The following DCHS1 variants were observed in gnomAD, a reference collection of about 807,000 sequenced individuals.
The protein encoded by DCHS1 is protocadherin-16.
DCHS1 carries 78 observed loss-of-function variants against 213.9 expected under a neutral mutation model. That is an observed-to-expected ratio of 0.36 (90% CI 0.30 to 0.44). The LOEUF (loss-of-function observed/expected upper bound fraction) is 0.44, where lower values mean the gene tolerates loss of function less well. DCHS1 is among the 20% of genes least tolerant of loss of function. The pLI, the probability that DCHS1 is intolerant of heterozygous loss-of-function variation, is 1.00. For synonymous variants in DCHS1, 1,828 were observed against 1,873.7 expected (o/e 0.98, Z 0.63); for missense variants, 3,946 against 4,395.9 (o/e 0.90, Z 2.89).
rs766406510 is a variant in DCHS1, at chr11:6,628,704, C to T, written c.5288G>A (p.Gly1763Asp). 4 of 1,613,988 alleles carry T rather than the reference C, an allele frequency of 2.5e-6. No homozygotes were observed. In the South Asian group the frequency reaches 3.3e-5, roughly 13 times the overall value. The change falls in exon 13 of 21, where the codon GGC becomes GAC. Residue 1763 changes from glycine (G) to aspartate (D), a missense_variant. Physicochemically the swap from Gly to Asp is moderately conservative, Grantham distance 94 (BLOSUM62 -1). Around this residue, in one of 3 missense-constraint regions of DCHS1, gnomAD observed 3,384 missense variants for 3,780.1 expected, o/e 0.90. Coordinates refer to ENST00000299441, the MANE Select transcript of DCHS1 (RefSeq NM_003737.4). The surrounding 1 kb of genome is among the most constrained non-coding windows in gnomAD (Gnocchi z 4.3). ...SAHLSLEVPEGQDPQTLTMLR... is the reference protein window; with the variant it reads ...SAHLSLEVPEDQDPQTLTMLR... ...CATGGTAAGGGTCTGGGGGTCCTGG[C>T]CCTCAGGCACCTCCAGAGAGAGATG...
chr11:6,639,868 G>A lies in DCHS1; in HGVS notation c.1746C>T (p.Phe582=). Reference sequence around the variant, plus strand: ...TGCCCTCAGGCAGTGAGGCATTGTAGAAAGTCCTCTGGAATTGGGGCTCAT... The same window carrying A: ...TGCCCTCAGGCAGTGAGGCATTGTAAAAAGTCCTCTGGAATTGGGGCTCAT... ...NDNEPQFQRT[F]YNASLPEGTQ... The change falls in exon 2 of 21, where the codon TTC becomes TTT. Residue 582 remains phenylalanine, a synonymous_variant. Transcript: ENST00000299441. 2 of 1,613,046 alleles carry A rather than the reference G, an allele frequency of 1.2e-6. No individual in the cohort carries two copies.
chr11:6,638,042 G>C (rs1231742295), intron 2 of DCHS1, among the ~76,000 whole-genome samples: 2 of 152,176 alleles, frequency 1.3e-5, no homozygotes, highest in Admixed American at 1.3e-4. Context: ...CTAGTGAGGA[G>C]AGAAGTCTGG....
chr11:6,627,071 C>T lies in DCHS1; in HGVS notation c.5968G>A (p.Asp1990Asn). The change falls in exon 14 of 21, where the codon GAT (aspartate) becomes AAT (asparagine). Residue 1990 changes from aspartate to asparagine, a missense_variant. By Grantham distance (23) the Asp-to-Asn change is conservative. Transcript: ENST00000299441. This position sits in a 1 kb window ranked among gnomAD's most constrained non-coding sequence, Gnocchi z 5.4. Reference sequence around the variant, plus strand: ...GAAGCATTGGCACCAGCATCACGATCTTCAGCTCTCAGTGTGGCCAGAGCC... The same window carrying T: ...GAAGCATTGGCACCAGCATCACGATTTTCAGCTCTCAGTGTGGCCAGAGCC... ...TLALATLRAE[D>N]RDAGANASIL... is the part of the protein sequence containing the mutation. The T allele has an allele frequency of 6.2e-7, 1 of 1,613,594 alleles. No individual in the cohort carries two copies. Among genetic ancestry groups the T allele is most frequent in the Non-Finnish European group, 8.5e-7 (1 of 1,179,812 alleles).
rs772506171 is a variant in DCHS1, at chr11:6,626,373, G to A, written c.6372C>T (p.Ile2124=). Residue 2124 remains isoleucine (I), a synonymous_variant, in exon 16 of 21, where the codon ATC becomes ATT. Coordinates refer to ENST00000299441, the MANE Select transcript of DCHS1 (RefSeq NM_003737.4). The surrounding 1 kb of genome is among the most constrained non-coding windows in gnomAD (Gnocchi z 5.2). ...CTAGCCCCTCTGCTGAGCGAACTGTGATGGCACCTGGGCGAGATAGAATGC... is the reference window on the plus strand; with the variant it reads ...CTAGCCCCTCTGCTGAGCGAACTGTAATGGCACCTGGGCGAGATAGAATGC... The part of the protein sequence containing the change: ...TFSIQPSTGA[I]TVRSAEGLDF... 6 of 1,613,150 alleles carry A rather than the reference G, an allele frequency of 3.7e-6. No homozygotes were observed. Among genetic ancestry groups the A allele is most frequent in the Non-Finnish European group, 5.1e-6 (6 of 1,179,596 alleles).
At chr11:6,650,849 T>A (rs1263242000) in intron 1 of DCHS1, among the ~76,000 whole-genome samples, 1 of 152,044 alleles carries the variant, frequency 6.6e-6, no homozygotes, top group African/African-American at 2.4e-5. Flanking sequence ...GAATGAAAGA[T>A]AAAGTACAGA....
intron 1 of DCHS1, among the ~76,000 whole-genome samples, chr11:6,654,024 T>C (rs149167951): frequency 6.6e-6 from 1 of 152,290 alleles, no homozygotes; most frequent in African/African-American, 2.4e-5. Flanking sequence ...GTCAAGAATC[T>C]GTGAAGCTGT....
At chr11:6,650,054 G>A (rs2134658924) in intron 1 of DCHS1, among the ~76,000 whole-genome samples, 1 of 152,284 alleles carries the variant, frequency 6.6e-6, no homozygotes, top group South Asian at 2.1e-4. Context: ...AAGAAGCTAA[G>A]TCATCCAGGC....
At position 6,625,448 on chromosome 11, in the gene DCHS1, G is replaced by C. The variant is rs1445482805; in HGVS notation, c.6896C>G (p.Thr2299Arg). 1.9e-6 allele frequency: 3 copies of C among 1,602,180 alleles called. No homozygotes were observed. The South Asian group carries it at 3.3e-5, about 18-fold the overall frequency. ...GGGTCCTGAGTCCACATCATTCCCT[G>C]TTACCTGTGCAATCTCTGAGCCCAA... is the stretch of plus-strand genomic sequence containing the variant. ...ALLGSEIAQV[T>R]GNDVDSGPVL... is the part of the protein sequence containing the mutation. Residue 2299 changes from threonine (T) to arginine (R), a missense_variant, in exon 19 of 21, where the codon ACA becomes AGA. Transcript: ENST00000299441. This position sits in a 1 kb window ranked among gnomAD's most constrained non-coding sequence, Gnocchi z 5.3.
At chr11:6,654,869 C>A (rs1270428011) in intron 1 of DCHS1, among the ~76,000 whole-genome samples, 3 of 152,138 alleles carry the variant, frequency 2.0e-5, no homozygotes, top group Admixed American at 6.5e-5. Flanking sequence ...CTCCCCACCC[C>A]CTCCACGTGG....
intron 1 of DCHS1, among the ~76,000 whole-genome samples, chr11:6,651,251 A>T (rs1221325604): frequency 6.6e-6 from 1 of 152,200 alleles, no homozygotes; most frequent in African/African-American, 2.4e-5. Context: ...TGAGGAAGGG[A>T]AGGGATAAGC....
In DCHS1 at chr11:6,632,120, T is replaced by A. The variant is rs747317273; in HGVS notation, c.3392A>T (p.Asp1131Val). 1 of 1,571,210 alleles carries A rather than the reference T, an allele frequency of 6.4e-7. No individual in the cohort carries two copies. Among genetic ancestry groups the A allele is most frequent in the South Asian group, 1.2e-5 (1 of 84,352 alleles). Residue 1131 changes from aspartate (D) to valine (V), a missense_variant, in exon 6 of 21, where the codon GAC becomes GTC. Transcript: ENST00000299441. The surrounding 1 kb of genome is among the most constrained non-coding windows in gnomAD (Gnocchi z 5.9). Reference protein sequence around the residue: ...GTSVGRVFATDRDSGPNGRLT... With the variant: ...GTSVGRVFATVRDSGPNGRLT... The stretch of plus-strand genomic sequence containing the variant: ...ACGTCCATTGGGTCCTGAGTCTCGG[T>A]CAGTGGCAAAGACTCGGCCCACGCT...
rs1337977680 is a variant in DCHS1 at position 6,632,726 on chromosome 11, A to G, written c.2786T>C (p.Val929Ala). 1 of 1,605,628 alleles carries G rather than the reference A, an allele frequency of 6.2e-7. No individual in the cohort carries two copies. Among genetic ancestry groups the G allele is most frequent in the East Asian group, 2.2e-5 (1 of 44,532 alleles). Residue 929 changes from valine to alanine, a missense_variant, in exon 6 of 21, where the codon GTC becomes GCC. By Grantham distance (64) the Val-to-Ala change is moderately conservative (BLOSUM62 0). This residue lies in a region of DCHS1 where 3,384 missense variants were observed against 3,780.1 expected (regional missense o/e 0.90). Coordinates refer to ENST00000299441, the MANE Select transcript of DCHS1 (RefSeq NM_003737.4). The surrounding 1 kb of genome is among the most constrained non-coding windows in gnomAD (Gnocchi z 5.9). ...ACCCCCAGCAAGCAGGGTAAAGGTG[A>G]CTCGACTGTTAACACCTGAGTCGGG... Reference protein sequence around the residue: ...LDPDSGVNSRVTFTLLAGGGG... With the variant: ...LDPDSGVNSRATFTLLAGGGG...
At chr11:6,649,281 G>A (rs1433709267) in intron 1 of DCHS1, among the ~76,000 whole-genome samples, 2 of 151,500 alleles carry the variant, frequency 1.3e-5, no homozygotes, top group East Asian at 1.9e-4. Flanking sequence ...GGAGGGCTCG[G>A]GATGCTCTGA....
Position 6,655,594 on chromosome 11 carries a change from C to T in DCHS1, c.-152G>A. Reference sequence around the variant, plus strand: ...GCGACGCGGGCTCCCTCGCCCGGTGCTGGGGCGCCGTCCGGCCGCGGTCAG... The same window carrying T: ...GCGACGCGGGCTCCCTCGCCCGGTGTTGGGGCGCCGTCCGGCCGCGGTCAG... On this transcript the variant is annotated 5_prime_UTR_variant, in exon 1 of 21. Coordinates refer to ENST00000299441, the MANE Select transcript of DCHS1 (RefSeq NM_003737.4). 1 of 980,054 alleles carries T rather than the reference C, an allele frequency of 1.0e-6. No homozygotes were observed. Among genetic ancestry groups the T allele is most frequent in the Non-Finnish European group, 1.2e-6 (1 of 827,926 alleles). The allele number at this position is 980,054 out of a possible 1,614,324, so 60.7% of individuals were successfully genotyped here.
Position 6,627,682 on chromosome 11 carries a change from A to T in DCHS1, c.5372-15T>A. On this transcript the variant is annotated splice_polypyrimidine_tract_variant and intron_variant, in intron 13 of 20. Coordinates refer to ENST00000299441, the MANE Select transcript of DCHS1 (RefSeq NM_003737.4). The surrounding 1 kb of genome is among the most constrained non-coding windows in gnomAD (Gnocchi z 5.4). ...TGGGTCCCCATCTGCAGAGAAGGGCATGCACATATAAATATACATGTGTCG... is the reference window on the plus strand; with the variant it reads ...TGGGTCCCCATCTGCAGAGAAGGGCTTGCACATATAAATATACATGTGTCG... 1 of 1,606,636 alleles carries T rather than the reference A, an allele frequency of 6.2e-7. No homozygotes were observed. The highest frequency in any genetic ancestry group is 8.5e-7 in the Non-Finnish European group (1 of 1,175,266).
chr11:6,624,840 C>G lies in DCHS1; in HGVS notation c.7175G>C (p.Gly2392Ala). ...QVMLLEHTPP[G>A]SAILSVSATD... ...GGCAGAGACGGAGAGAATGGCACTG[C>G]CTGGGGGTGTGTGCTCAAGCAGCAT... is the stretch of plus-strand genomic sequence containing the variant. Residue 2392 changes from glycine to alanine, a missense_variant, in exon 20 of 21, where the codon GGC becomes GCC. Physicochemically the swap from Gly to Ala is moderately conservative, Grantham distance 60 (BLOSUM62 0). Coordinates refer to ENST00000299441, the MANE Select transcript of DCHS1 (RefSeq NM_003737.4). 5.6e-6 allele frequency: 9 copies of G among 1,613,874 alleles called. No individual in the cohort carries two copies. The highest frequency in any genetic ancestry group is 7.6e-6 in the Non-Finnish European group (9 of 1,179,850).
Position 6,629,529 on chromosome 11 carries a change from G to A in DCHS1, c.5084C>T (p.Ser1695Phe), listed in dbSNP as rs867733314. The change falls in exon 12 of 21, where the codon TCT (serine) becomes TTT (phenylalanine). Residue 1695 changes from serine (S) to phenylalanine (F), a missense_variant. This residue lies in a region of DCHS1 where 3,384 missense variants were observed against 3,780.1 expected (regional missense o/e 0.90). Coordinates refer to ENST00000299441, the MANE Select transcript of DCHS1 (RefSeq NM_003737.4). ...GAGAACACCAGTGTCAGGATCCAGA[G>A]AAAAGCTTTCGCTAGAGACGCCTCC... ...TYGGVSSESF[S>F]LDPDTGVLTT... 3 of 1,613,562 alleles carry A rather than the reference G, an allele frequency of 1.9e-6. No individual in the cohort carries two copies. The highest frequency in any genetic ancestry group is 2.5e-6 in the Non-Finnish European group (3 of 1,179,698).
Position 6,629,739 on chromosome 11 carries a change from G to A in DCHS1, c.4968C>T (p.Val1656=), listed in dbSNP as rs144759454. 2 of 1,613,796 alleles carry A rather than the reference G, an allele frequency of 1.2e-6. No individual in the cohort carries two copies. The highest frequency in any genetic ancestry group is 8.5e-7 in the Non-Finnish European group (1 of 1,179,906). ...CAGGAGGGTTGTTCTCACGCAAGAGGACGCTGTACTCCTGCTGCTGGAAAG... is the reference window on the plus strand; with the variant it reads ...CAGGAGGGTTGTTCTCACGCAAGAGAACGCTGTACTCCTGCTGCTGGAAAG... The part of the protein sequence containing the change: ...APTFQQQEYS[V]LLRENNPPGT... Residue 1656 remains valine, a synonymous_variant, in exon 11 of 21, where the codon GTC becomes GTT. Transcript: ENST00000299441.
At position 6,631,684 on chromosome 11, in the gene DCHS1, C is replaced by T; in HGVS notation, c.3607G>A (p.Asp1203Asn). 1 of 1,609,602 alleles carries T rather than the reference C, an allele frequency of 6.2e-7. No individual in the cohort carries two copies. The highest frequency in any genetic ancestry group is 8.5e-7 in the Non-Finnish European group (1 of 1,177,878). The change falls in exon 7 of 21, where the codon GAC becomes AAC. Residue 1203 changes from aspartate to asparagine, a missense_variant. Coordinates refer to ENST00000299441, the MANE Select transcript of DCHS1 (RefSeq NM_003737.4). ...TTGTVHVAVL[D>N]LNDNSPTFLQ... ...AACGTGGGGCTGTTGTCGTTGAGGTCAAGCACTGCAACATGCACAGTGCCT... is the reference window on the plus strand; with the variant it reads ...AACGTGGGGCTGTTGTCGTTGAGGTTAAGCACTGCAACATGCACAGTGCCT...
Sources: allele counts gnomAD v4.1 joint callset (sites outside exome capture counted in the v4.1 genomes callset), GRCh38; gene constraint gnomAD v4.1.1; regional missense constraint gnomAD v4.1.1; non-coding constraint Gnocchi (gnomAD v3.1); transcripts MANE v1.5; gene names NCBI Gene and HGNC (gene_info 2026-07-23, HGNC 2026-07-21).